Variants in ERC2 observed in about 807,000 individuals in gnomAD.
ERC2 encodes the protein ELKS/RAB6-interacting/CAST family member 2.
In ERC2, 42 loss-of-function variants were observed where a neutral mutation model predicts 114.8. That is an observed-to-expected ratio of 0.37 (90% confidence interval 0.29 to 0.47). The LOEUF is 0.47. Ranked by LOEUF, ERC2 falls within the 20% of genes least tolerant of loss-of-function variation. The pLI is 0.99. For missense variants in ERC2, 939 were observed against 1,150.7 expected, an observed-to-expected ratio of 0.82 and a Z score of 2.66; for synonymous variants, 454 against 425.5, an observed-to-expected ratio of 1.07 and a Z score of -0.82.
intron 3 of ERC2, among the ~76,000 whole-genome samples, chr3:56,262,145 T>C (rs1386976772): frequency 6.6e-6 from 1 of 152,228 alleles, no homozygotes; most frequent in Non-Finnish European, 1.5e-5. Flanking sequence ...TCTATGTCTT[T>C]GTTATTGTGA....
At chr3:56,452,961 T>C (rs1399381685) in intron 1 of ERC2, among the ~76,000 whole-genome samples, 1 of 152,232 alleles carries the variant, frequency 6.6e-6, no homozygotes, top group Non-Finnish European at 1.5e-5. Context: ...AGACCCTTTC[T>C]TCCTCATGAG....
intron 14 of ERC2, among the ~76,000 whole-genome samples, chr3:55,787,091 C>T (rs1188260484): frequency 6.6e-6 from 1 of 152,152 alleles, no homozygotes; most frequent in Non-Finnish European, 1.5e-5. Context: ...CCCTGAGCAT[C>T]AACTTACTCA....
Position 55,978,509 on chromosome 3 carries a change from G to A in ERC2, c.2267+7468C>T, listed in dbSNP as rs558759812. On this transcript the variant is annotated intron_variant, in intron 12 of 17. Transcript: ENST00000288221. ...AACTAGAAAAGCAACGGAGGCAGCC[G>A]GCTTCTCTCTCGTATCAACTCCCTA... Among the ~76,000 whole-genome samples, 5 of 152,254 alleles carry A rather than the reference G, an allele frequency of 3.3e-5. No individual in the cohort carries two copies. In the South Asian group the frequency reaches 8.3e-4, roughly 25 times the overall value.
At chr3:55,632,262 A>G (rs1249860827) in intron 17 of ERC2, among the ~76,000 whole-genome samples, 2 of 152,252 alleles carry the variant, frequency 1.3e-5, no homozygotes, top group Admixed American at 6.5e-5. Flanking sequence ...CCAAGTGGCA[A>G]TTAACACTGT....
intron 14 of ERC2, among the ~76,000 whole-genome samples, chr3:55,811,563 G>A (rs1222508677): frequency 6.6e-6 from 1 of 152,194 alleles, no homozygotes; most frequent in Non-Finnish European, 1.5e-5. Flanking sequence ...CACAGATGGA[G>A]TTCTGCCAAA....
At chr3:55,767,983 G>C (rs1026949278) in intron 14 of ERC2, among the ~76,000 whole-genome samples, 3 of 152,114 alleles carry the variant, frequency 2.0e-5, no homozygotes, top group African/African-American at 7.2e-5. Context: ...CCCCTTTGCT[G>C]TTCTCATAAT....
intron 12 of ERC2, among the ~76,000 whole-genome samples, chr3:55,956,485 C>G (rs1188773925): frequency 1.3e-5 from 2 of 152,014 alleles, no homozygotes; most frequent in Non-Finnish European, 2.9e-5. Flanking sequence ...AGTACTCCAG[C>G]AAAGCTATAA....
At chr3:55,642,706 A>G (rs2060238906) in intron 17 of ERC2, among the ~76,000 whole-genome samples, 1 of 152,042 alleles carries the variant, frequency 6.6e-6, no homozygotes, top group South Asian at 2.1e-4. Context: ...TGCCATTCCT[A>G]TGTCATCCCA....
chr3:56,142,622 T>C (rs1448683059), intron 5 of ERC2, among the ~76,000 whole-genome samples: 1 of 152,142 alleles, frequency 6.6e-6, no homozygotes, highest in Non-Finnish European at 1.5e-5. Flanking sequence ...CTTGGTTTCT[T>C]ATAGTCTCTT....
intron 6 of ERC2, among the ~76,000 whole-genome samples, chr3:56,127,625 A>G (rs1227043731): frequency 6.6e-6 from 1 of 151,914 alleles, no homozygotes; most frequent in African/African-American, 2.4e-5. Context: ...CGGGAGGCTG[A>G]GGCAGGAGAA....
intron 12 of ERC2, among the ~76,000 whole-genome samples, chr3:55,975,922 A>G (rs2069554960): frequency 6.6e-6 from 1 of 152,148 alleles, no homozygotes; most frequent in Admixed American, 6.5e-5. Flanking sequence ...ATACCACCAC[A>G]TTCATAGAAA....
intron 3 of ERC2, among the ~76,000 whole-genome samples, chr3:56,259,792 C>A (rs2052792609): frequency 6.6e-6 from 1 of 152,142 alleles, no homozygotes; most frequent in Non-Finnish European, 1.5e-5. Context: ...TCTCAGCAAG[C>A]TAGGCCTGAC....
At chr3:56,404,396 A>G (rs2060631476) in intron 2 of ERC2, among the ~76,000 whole-genome samples, 1 of 152,196 alleles carries the variant, frequency 6.6e-6, no homozygotes, top group Non-Finnish European at 1.5e-5. Context: ...GTACAAATGC[A>G]CTAGGAAAAT....
In ERC2 at chr3:56,218,130, T is replaced by C. The variant is rs563661891; in HGVS notation, c.1075-44610A>G. The stretch of plus-strand genomic sequence containing the variant: ...AAAGCAATGGCAACAAAAGCCAAAA[T>C]TGACAAATGGGATCTAATTAAACTA... On this transcript the variant is annotated intron_variant, in intron 3 of 17. Coordinates refer to ENST00000288221, the MANE Select transcript of ERC2 (RefSeq NM_015576.3). 4.6e-5 allele frequency among the ~76,000 whole-genome samples: 7 copies of C among 152,226 alleles called. No homozygotes were observed. The South Asian group carries it at 1.2e-3, about 27-fold the overall frequency.
chr3:55,539,137 A>C (rs970003805), intron 17 of ERC2, among the ~76,000 whole-genome samples: 1 of 152,184 alleles, frequency 6.6e-6, no homozygotes, highest in Admixed American at 6.5e-5. Flanking sequence ...TCCATTCATT[A>C]TTTTAGAAAA....
intron 10 of ERC2, 35 bp from the exon 11 acceptor site, chr3:55,992,285 A>C: frequency 6.3e-7 from 1 of 1,577,818 alleles, no homozygotes; most frequent in South Asian, 1.1e-5. Context: ...TGTAGTTAAG[A>C]CAACAATTTA....
chr3:56,010,998 C>T (rs1046220661), intron 8 of ERC2, among the ~76,000 whole-genome samples: 1 of 152,184 alleles, frequency 6.6e-6, no homozygotes, highest in Admixed American at 6.5e-5. Context: ...TTTGCTTAGC[C>T]TCTCCATTTG....
chr3:56,442,941 T>A (rs2062386366), intron 1 of ERC2, among the ~76,000 whole-genome samples: 1 of 152,176 alleles, frequency 6.6e-6, no homozygotes. Flanking sequence ...ACCTCAGATA[T>A]AACAGGATTT....
At chr3:55,847,495 T>C (rs1351578462) in intron 14 of ERC2, among the ~76,000 whole-genome samples, 2 of 152,144 alleles carry the variant, frequency 1.3e-5, no homozygotes, top group African/African-American at 4.8e-5. Context: ...TAAATCACGA[T>C]GCCACAGATA....
Sources: gnomAD v4.1 joint callset for allele counts (sites outside exome capture counted in the v4.1 genomes callset) on GRCh38, gnomAD v4.1.1 for gene constraint, MANE v1.5 for transcripts, NCBI Gene and HGNC (gene_info 2026-07-23, HGNC 2026-07-21) for gene names.